FAM234A: variants seen among roughly 807,000 people sequenced by gnomAD.
The protein encoded by FAM234A is family with sequence similarity 234 member A, also known as protein FAM234A.
A neutral mutation model predicts 49.1 loss-of-function variants in FAM234A; 42 were observed. That is an observed-to-expected ratio of 0.86 (90% CI 0.67 to 1.11). The LOEUF (loss-of-function observed/expected upper bound fraction) is 1.11. Among genes scored for constraint, FAM234A ranks in the 50% least tolerant of loss-of-function variants. FAM234A has a pLI of 0.00. For missense variants in FAM234A, 815 were observed against 745.2 expected, an observed-to-expected ratio of 1.09 and a Z score of -1.09; for synonymous variants, 369 against 316.2, an observed-to-expected ratio of 1.17 and a Z score of -1.77.
At chr16:240,180 G>C (rs1596740233) in intron 1 of FAM234A, 1 of 152,150 alleles carries the variant, frequency 6.6e-6, no homozygotes, top group African/African-American at 2.4e-5. Context: ...TGTGTGTATA[G>C]CAGCTGGATT....
At chr16:242,639 GTC>G (rs1473082392) in intron 1 of FAM234A, among the ~76,000 whole-genome samples, 3 of 146,768 alleles carry the variant, frequency 2.0e-5, no homozygotes. Flanking sequence ...CTGAGACAGA[GTC>G]TCGCTCTGTC....
At chr16:237,736 G>C (rs1190894409) in intron 1 of FAM234A, among the ~76,000 whole-genome samples, 2 of 144,224 alleles carry the variant, frequency 1.4e-5, no homozygotes, top group Non-Finnish European at 3.0e-5. Flanking sequence ...TTTTGAGACA[G>C]AGTCTTCCTC....
At chr16:241,038 GTC>G (rs1438992874) in intron 1 of FAM234A, among the ~76,000 whole-genome samples, 2 of 151,958 alleles carry the variant, frequency 1.3e-5, no homozygotes, top group Non-Finnish European at 2.9e-5. Flanking sequence ...GGGAACCTCA[GTC>G]TCTCGCACAG....
intron 1 of FAM234A, among the ~76,000 whole-genome samples, chr16:236,331 A>C (rs1414677204): frequency 6.6e-6 from 1 of 151,840 alleles, no homozygotes; most frequent in Non-Finnish European, 1.5e-5. Context: ...ATTTTTCTTA[A>C]AAATTTTTTT....
At position 262,102 on chromosome 16, in the gene FAM234A, C is replaced by T. The variant is rs758714444; in HGVS notation, c.718C>T (p.His240Tyr). ...LTQEREEVSG[H>Y]LYSGSTGHQI... ...TCCTGTGTCATTGCAGGTTAGTGGC[C>T]ACCTCTACTCCGGCAGCACCGGGCA... The change falls in exon 7 of 13, where the codon CAC becomes TAC. Residue 240 changes from histidine (H) to tyrosine (Y), a missense_variant. Physicochemically the swap from His to Tyr is moderately conservative, Grantham distance 83. Coordinates refer to ENST00000399932, the MANE Select transcript of FAM234A (RefSeq NM_032039.4). 2 of 1,613,902 alleles carry T rather than the reference C, an allele frequency of 1.2e-6. No individual in the cohort carries two copies. The highest frequency in any genetic ancestry group is 1.7e-6 in the Non-Finnish European group (2 of 1,179,970).
At chr16:254,313 C>T (rs2051139683) in intron 2 of FAM234A, 68 bp from the exon 3 acceptor site, 5 of 1,339,162 alleles carry the variant, frequency 3.7e-6, no homozygotes, top group Non-Finnish European at 5.2e-6. Context: ...CGCCAGCAGA[C>T]CCCTCTGTGC....
At chr16:235,449 A>G (rs542249112) in intron 1 of FAM234A, among the ~76,000 whole-genome samples, 119 of 152,196 alleles carry the variant, frequency 7.8e-4, no homozygotes, top group African/African-American at 2.8e-3. Context: ...GATGGGAGGA[A>G]AACACTGGGA....
Position 265,153 on chromosome 16 carries a change from C to G in FAM234A, c.*131C>G. 6.9e-7 allele frequency: 1 copy of G among 1,439,438 alleles called. No homozygotes were observed. The highest frequency in any genetic ancestry group is 9.1e-7 in the Non-Finnish European group (1 of 1,100,230). The allele number at this position is 1,439,438 out of a possible 1,614,324, so 89.2% of individuals were successfully genotyped here. On this transcript the variant is annotated 3_prime_UTR_variant, in exon 13 of 13. Transcript: ENST00000399932. ...CCTGGTGATGGTCGCCACTGGGCAGCAGCAGCCTTACCAGTCCTCCATGAT... is the reference window on the plus strand; with the variant it reads ...CCTGGTGATGGTCGCCACTGGGCAGGAGCAGCCTTACCAGTCCTCCATGAT...
chr16:268,430 G>T (rs1567232281), downstream of FAM234A: 1 of 362,378 alleles, frequency 2.8e-6, no homozygotes, highest in Non-Finnish European at 5.2e-6. Flanking sequence ...AGTTGAAGCT[G>T]CACCCCCGAA....
rs1336162511 is a variant in FAM234A, at chr16:265,714, A to G, written c.*692A>G. 1 of 985,448 alleles carries G rather than the reference A, an allele frequency of 1.0e-6. No individual in the cohort carries two copies. The highest frequency in any genetic ancestry group is 1.2e-6 in the Non-Finnish European group (1 of 830,044). The allele number at this position is 985,448 out of a possible 1,614,324, so 61.0% of individuals were successfully genotyped here. A position where few individuals can be genotyped will look rare whatever the true frequency, so the allele number is the denominator to read the frequency against. On this transcript the variant is annotated 3_prime_UTR_variant, in exon 13 of 13. Coordinates refer to ENST00000399932, the MANE Select transcript of FAM234A (RefSeq NM_032039.4). ...TCTGGAGCTGAGCCCGTGGCCGCTCACAGGTGTCCTTAGTGGTGTTGCAGC... is the reference window on the plus strand; with the variant it reads ...TCTGGAGCTGAGCCCGTGGCCGCTCGCAGGTGTCCTTAGTGGTGTTGCAGC...
intron 1 of FAM234A, among the ~76,000 whole-genome samples, chr16:245,751 G>A (rs1245081710): frequency 1.3e-5 from 2 of 152,286 alleles, no homozygotes; most frequent in East Asian, 3.9e-4. Context: ...ATCCTGGGCC[G>A]AGGGTTGGAC....
chr16:262,824 T>G (rs148200990), intron 8 of FAM234A, among the ~76,000 whole-genome samples: 5,134 of 149,574 alleles, frequency 0.034, 283 homozygotes, highest in African/African-American at 0.12. Flanking sequence ...TTTTTTTGGT[T>G]GTTTTTTTTT....
downstream of FAM234A, chr16:268,542 A>G: frequency 1.7e-6 from 1 of 577,708 alleles, no homozygotes; most frequent in Non-Finnish European, 3.1e-6. Flanking sequence ...AGGGAGGATC[A>G]GGGACGCCTG....
chr16:251,647 G>C (rs759669418), intron 2 of FAM234A, among the ~76,000 whole-genome samples: 1 of 142,508 alleles, frequency 7.0e-6, no homozygotes, highest in Non-Finnish European at 1.5e-5. Flanking sequence ...AGAGTGCTGC[G>C]ATTACAGGCA....
At position 262,234 on chromosome 16, in the gene FAM234A, T is replaced by C; in HGVS notation, c.841+9T>C. 6.2e-7 allele frequency: 1 copy of C among 1,613,668 alleles called. No homozygotes were observed. The highest frequency in any genetic ancestry group is 8.5e-7 in the Non-Finnish European group (1 of 1,179,828). On this transcript the variant is annotated intron_variant, in intron 7 of 12. Coordinates refer to ENST00000399932, the MANE Select transcript of FAM234A (RefSeq NM_032039.4). Reference sequence around the variant, plus strand: ...CATCCTCTTTCCCTGCGGTACGTTGTTTCTGCCACATCCCTGGCCAGCCTC... The same window carrying C: ...CATCCTCTTTCCCTGCGGTACGTTGCTTCTGCCACATCCCTGGCCAGCCTC...
Sources: allele counts gnomAD v4.1 joint callset (sites outside exome capture counted in the v4.1 genomes callset), GRCh38; gene constraint gnomAD v4.1.1; transcripts MANE v1.5; gene names NCBI Gene and HGNC (gene_info 2026-07-23, HGNC 2026-07-21).